FBXO30: variants seen among roughly 807,000 people sequenced by gnomAD.
FBXO30 encodes the protein F-box only protein 30.
FBXO30 carries 21 observed loss-of-function variants against 58.1 expected under a neutral mutation model. The observed-to-expected ratio is 0.36, with a 90% CI of 0.26 to 0.52. The LOEUF (loss-of-function observed/expected upper bound fraction) is 0.52, where lower values mean the gene tolerates loss of function less well. FBXO30 is among the 20% of genes least tolerant of loss of function. The pLI, the probability that FBXO30 is intolerant of heterozygous loss-of-function variation, is 0.93. For missense variants in FBXO30, 744 were observed against 897.3 expected (o/e 0.83, Z 2.18); for synonymous variants, 309 against 312.4 (o/e 0.99, Z 0.11).
chr6:145,809,606 CAAAT>C (rs944722495), intron 1 of FBXO30, among the ~76,000 whole-genome samples: 7 of 152,134 alleles, frequency 4.6e-5, no homozygotes, highest in African/African-American at 7.2e-5. Flanking sequence ...AAGCTTCAAA[CAAAT>C]AGTCTCTTTT....
intron 1 of FBXO30, among the ~76,000 whole-genome samples, chr6:145,811,242 C>T (rs2128668234): frequency 6.6e-6 from 1 of 152,274 alleles, no homozygotes; most frequent in East Asian, 1.9e-4. Context: ...TGAGATTCTT[C>T]ATTTCACAGA....
intron 1 of FBXO30, chr6:145,811,896 A>G (rs1778343510): frequency 6.6e-6 from 1 of 152,190 alleles, no homozygotes; most frequent in South Asian, 2.1e-4. Context: ...TCCCTTGTAA[A>G]GTCCAGAGGT....
chr6:145,801,174 A>G (rs1777985684), intron 2 of FBXO30, among the ~76,000 whole-genome samples: 1 of 152,168 alleles, frequency 6.6e-6, no homozygotes, highest in South Asian at 2.1e-4. Flanking sequence ...ACAGACCTAG[A>G]TAACAAGCAT....
chr6:145,812,736 T>C (rs1377236031), intron 1 of FBXO30, among the ~76,000 whole-genome samples: 1 of 152,190 alleles, frequency 6.6e-6, no homozygotes, highest in Non-Finnish European at 1.5e-5. Flanking sequence ...CATTACTCAT[T>C]CTTTAAAAAA....
chr6:145,814,161 C>G (rs1032406461), intron 1 of FBXO30, among the ~76,000 whole-genome samples: 1 of 152,174 alleles, frequency 6.6e-6, no homozygotes, highest in African/African-American at 2.4e-5. Flanking sequence ...TGATGCCTCC[C>G]CAGTCTTACT....
In FBXO30 at chr6:145,800,161, C is replaced by T. The variant is rs1257945080; in HGVS notation, c.2183G>A (p.Arg728Gln). ...AIPLPCMCVT[R>Q]ELTKEGRSLR... is the part of the protein sequence containing the mutation. ...TGAACGTCCTTCTTTAGTGAGTTCT[C>T]GTGTCACACACATACATGGCAAAGG... Residue 728 changes from arginine (R) to glutamine (Q), a missense_variant, in exon 3 of 3, where the codon CGA (arginine) becomes CAA (glutamine). Around this residue, in one of 3 missense-constraint regions of FBXO30, gnomAD observed 334 missense variants for 433.7 expected, o/e 0.77. Coordinates refer to ENST00000237281, the MANE Select transcript of FBXO30 (RefSeq NM_032145.5). 1 of 1,612,998 alleles carries T rather than the reference C, an allele frequency of 6.2e-7. No homozygotes were observed. The highest frequency in any genetic ancestry group is 1.3e-5 in the African/African-American group (1 of 74,922).
chr6:145,814,558 A>C (rs1778445074), intron 1 of FBXO30, 45 bp downstream of exon 1: 1 of 151,566 alleles, frequency 6.6e-6, no homozygotes, highest in Non-Finnish European at 1.5e-5. Context: ...TCCCCGCCGC[A>C]GCGCGGACGG....
chr6:145,793,685 A>C lies in FBXO30; in HGVS notation c.*6421T>G, dbSNP rs1777813147. The C allele has an allele frequency of 6.6e-6, 1 of 152,100 alleles. No homozygotes were observed. Among genetic ancestry groups the C allele is most frequent in the South Asian group, 2.1e-4 (1 of 4,838 alleles). 9.4% of individuals were successfully genotyped at this position (152,100 alleles called of 1,614,324 possible). ...GGGATGTGCCACAAGGAATCATAATAAATTTCAAAAGATAAAAAATAAACA... is the reference window on the plus strand; with the variant it reads ...GGGATGTGCCACAAGGAATCATAATCAATTTCAAAAGATAAAAAATAAACA... On this transcript the variant is annotated 3_prime_UTR_variant, in exon 3 of 3. Coordinates refer to ENST00000237281, the MANE Select transcript of FBXO30 (RefSeq NM_032145.5).
At position 145,804,911 on chromosome 6, in the gene FBXO30, G is replaced by C; in HGVS notation, c.1495C>G (p.Leu499Val). The C allele has an allele frequency of 6.2e-7, 1 of 1,613,932 alleles. No homozygotes were observed. Among genetic ancestry groups the C allele is most frequent in the Non-Finnish European group, 8.5e-7 (1 of 1,179,906 alleles). Reference protein sequence around the residue: ...QLSNPSPFQTLGLDLVLECVA... With the variant: ...QLSNPSPFQTVGLDLVLECVA... ...CATTCCAATACTAAATCCAGCCCAAGTGTCTGAAACGGACTTGGATTTGAA... is the reference window on the plus strand; with the variant it reads ...CATTCCAATACTAAATCCAGCCCAACTGTCTGAAACGGACTTGGATTTGAA... The change falls in exon 2 of 3, where the codon CTT becomes GTT. Residue 499 changes from leucine (L) to valine (V), a missense_variant. This residue lies in a region of FBXO30 where 334 missense variants were observed against 433.7 expected (regional missense o/e 0.77). Coordinates refer to ENST00000237281, the MANE Select transcript of FBXO30 (RefSeq NM_032145.5).
rs769566061 is a variant in FBXO30, at chr6:145,805,645, T to C, written c.761A>G (p.Asp254Gly). Reference protein sequence around the residue: ...IGAVGGIDYNDTNQNAQSEQN... With the variant: ...IGAVGGIDYNGTNQNAQSEQN... ...TTCAGACTGGGCATTCTGATTTGTGTCATTGTAGTCAATTCCACCTACTGC... is the reference window on the plus strand; with the variant it reads ...TTCAGACTGGGCATTCTGATTTGTGCCATTGTAGTCAATTCCACCTACTGC... Residue 254 changes from aspartate (D) to glycine (G), a missense_variant, in exon 2 of 3, where the codon GAC (aspartate) becomes GGC (glycine). Physicochemically the swap from Asp to Gly is moderately conservative, Grantham distance 94. Transcript: ENST00000237281. 43 of 1,613,994 alleles carry C rather than the reference T, an allele frequency of 2.7e-5. No homozygotes were observed. Among genetic ancestry groups the C allele is most frequent in the African/African-American group, 1.2e-4 (9 of 74,934 alleles).
Position 145,799,986 on chromosome 6 carries a change from T to G in FBXO30, c.*120A>C. The G allele has an allele frequency of 1.3e-6, 1 of 751,134 alleles. No individual in the cohort carries two copies. Among genetic ancestry groups the G allele is most frequent in the Non-Finnish European group, 2.1e-6 (1 of 470,556 alleles). The allele number at this position is 751,134 out of a possible 1,614,324, so 46.5% of individuals were successfully genotyped here. A position where few individuals can be genotyped will look rare whatever the true frequency, so the allele number is the denominator to read the frequency against. On this transcript the variant is annotated 3_prime_UTR_variant, in exon 3 of 3. Coordinates refer to ENST00000237281, the MANE Select transcript of FBXO30 (RefSeq NM_032145.5). ...AAAAATAGATGTCACTTCAAAACAT[T>G]ATATACACAGTGACAATAAATTTAG...
intron 1 of FBXO30, among the ~76,000 whole-genome samples, chr6:145,809,579 G>C (rs1778278165): frequency 6.6e-6 from 1 of 152,120 alleles, no homozygotes; most frequent in South Asian, 2.1e-4. Context: ...ATTTTCAAAG[G>C]TAGAAGGAAA....
At chr6:145,803,698 A>T (rs1225135069) in intron 2 of FBXO30, among the ~76,000 whole-genome samples, 1 of 152,162 alleles carries the variant, frequency 6.6e-6, no homozygotes, top group Non-Finnish European at 1.5e-5. Flanking sequence ...GTCTGCCTAA[A>T]TCTCCAGCTC....
Position 145,797,256 on chromosome 6 carries a change from G to C in FBXO30, c.*2850C>G, listed in dbSNP as rs547336462. On this transcript the variant is annotated 3_prime_UTR_variant, in exon 3 of 3. Coordinates refer to ENST00000237281, the MANE Select transcript of FBXO30 (RefSeq NM_032145.5). ...GTAAATACTAATTTAAAGAATACAA[G>C]TCCAACAACTACAGTACCCAGTGTA... 59 of 152,012 alleles carry C rather than the reference G, an allele frequency of 3.9e-4. No homozygotes were observed. Among genetic ancestry groups the C allele is most frequent in the African/African-American group, 1.3e-3 (56 of 41,490 alleles). The allele number at this position is 152,012 out of a possible 1,614,324, so 9.4% of individuals were successfully genotyped here.
intron 2 of FBXO30, among the ~76,000 whole-genome samples, chr6:145,803,806 G>A (rs1025550182): frequency 1.2e-4 from 19 of 152,210 alleles, no homozygotes; most frequent in African/African-American, 4.6e-4. Flanking sequence ...TGTTCTCACA[G>A]CGGCCTAAAG....
rs949375212 is a variant in FBXO30, at chr6:145,799,920, C to T, written c.*186G>A. On this transcript the variant is annotated 3_prime_UTR_variant, in exon 3 of 3. Coordinates refer to ENST00000237281, the MANE Select transcript of FBXO30 (RefSeq NM_032145.5). ...CAAGTTCCAAAAATTTCACACATTT[C>T]AAACATTAAGGCAACTTTTTCCAAC... is the stretch of plus-strand genomic sequence containing the variant. The T allele has an allele frequency of 1.3e-5, 6 of 450,830 alleles. No individual in the cohort carries two copies. Among genetic ancestry groups the T allele is most frequent in the African/African-American group, 1.0e-4 (5 of 48,892 alleles). The allele number at this position is 450,830 out of a possible 1,614,324, so 27.9% of individuals were successfully genotyped here. A position where few individuals can be genotyped will look rare whatever the true frequency, so the allele number is the denominator to read the frequency against.
chr6:145,805,261 G>A lies in FBXO30; in HGVS notation c.1145C>T (p.Ser382Phe). 6.2e-7 allele frequency: 1 copy of A among 1,614,036 alleles called. No individual in the cohort carries two copies. Among genetic ancestry groups the A allele is most frequent in the Non-Finnish European group, 8.5e-7 (1 of 1,179,952 alleles). The change falls in exon 2 of 3, where the codon TCT (serine) becomes TTT (phenylalanine). Residue 382 changes from serine (S) to phenylalanine (F), a missense_variant. Ser to Phe is a radical substitution (Grantham distance 155). This residue lies in a region of FBXO30 where 275 missense variants were observed against 262.0 expected (regional missense o/e 1.05). Coordinates refer to ENST00000237281, the MANE Select transcript of FBXO30 (RefSeq NM_032145.5). ...ATTGAATGAAGGAGCATGACTGAAA[G>A]ATAAGACATCCACATTCTTCACGTC... ...LGDVKNVDVLSFSHAPSFNFL... is the reference protein window; with the variant it reads ...LGDVKNVDVLFFSHAPSFNFL...
intron 2 of FBXO30, among the ~76,000 whole-genome samples, chr6:145,804,131 C>G (rs1279072883): frequency 6.6e-6 from 1 of 152,102 alleles, no homozygotes; most frequent in East Asian, 1.9e-4. Flanking sequence ...CGTAAGTGGT[C>G]TCTGCCATAT....
intron 1 of FBXO30, among the ~76,000 whole-genome samples, chr6:145,810,729 T>A (rs1306513795): frequency 5.3e-5 from 8 of 152,158 alleles, no homozygotes; most frequent in South Asian, 2.1e-4. Flanking sequence ...AAAGCATTTT[T>A]AAAAAATTCA....
Sources: gnomAD v4.1 joint callset for allele counts (sites outside exome capture counted in the v4.1 genomes callset) on GRCh38, gnomAD v4.1.1 for gene constraint, gnomAD v4.1.1 regional missense constraint, MANE v1.5 for transcripts, NCBI Gene and HGNC (gene_info 2026-07-23, HGNC 2026-07-21) for gene names.